Variants in POFUT3 observed in about 807,000 individuals in gnomAD.
POFUT3 encodes GDP-fucose protein O-fucosyltransferase 3.
At chr8:33,402,278 AACCG>A in the POFUT3 span, among the ~76,000 whole-genome samples, 9 of 152,354 alleles carry the variant, frequency 5.9e-5, no homozygotes, top group African/African-American at 2.2e-4. Context: ...TCAAGATACC[AACCG>A]AATGCTTTTT....
At chr8:33,353,521 T>C in the POFUT3 span, among the ~76,000 whole-genome samples, 2 of 152,308 alleles carry the variant, frequency 1.3e-5, no homozygotes, top group East Asian at 3.9e-4. Flanking sequence ...TTCTTTCTCG[T>C]CTGCACAAGA....
chr8:33,452,572 A>G, the POFUT3 span: 1 of 152,302 alleles, frequency 6.6e-6, no homozygotes, highest in Non-Finnish European at 1.5e-5. Flanking sequence ...GTCAACGTTT[A>G]AAACATTTAA....
the POFUT3 span, among the ~76,000 whole-genome samples, chr8:33,356,168 G>C: frequency 1.3e-5 from 2 of 152,142 alleles, no homozygotes; most frequent in Admixed American, 6.5e-5. Context: ...ATGATCTATA[G>C]TCATTTGGGT....
chr8:33,316,596 G>T, the POFUT3 span, among the ~76,000 whole-genome samples: 50,627 of 150,388 alleles, frequency 0.34, 9,162 homozygotes, highest in East Asian at 0.66. Context: ...AAGAAAGAAA[G>T]CTGGGCATTG....
the POFUT3 span, among the ~76,000 whole-genome samples, chr8:33,343,112 G>GAAAA: frequency 2.6e-5 from 3 of 115,138 alleles, no homozygotes; most frequent in East Asian, 2.3e-4. Flanking sequence ...CTCCGTCTAA[G>GAAAA]AAAAAAAAAA....
chr8:33,317,935 T>G, the POFUT3 span, among the ~76,000 whole-genome samples: 3 of 152,270 alleles, frequency 2.0e-5, no homozygotes, highest in Admixed American at 2.0e-4. Flanking sequence ...TATTCACTGC[T>G]CTGTTCTCTG....
chr8:33,395,321 C>T, the POFUT3 span, among the ~76,000 whole-genome samples: 2 of 152,028 alleles, frequency 1.3e-5, no homozygotes, highest in African/African-American at 4.8e-5. Context: ...AGGAGCAGAG[C>T]GGTGTGGCAG....
At chr8:33,341,017 A>G in the POFUT3 span, among the ~76,000 whole-genome samples, 1 of 152,190 alleles carries the variant, frequency 6.6e-6, no homozygotes, top group African/African-American at 2.4e-5. Context: ...GAAAATATAT[A>G]CCAAGATAGG....
At chr8:33,464,748 T>A in the POFUT3 span, among the ~76,000 whole-genome samples, 1 of 152,126 alleles carries the variant, frequency 6.6e-6, no homozygotes, top group Non-Finnish European at 1.5e-5. Context: ...CCACTGCACT[T>A]AGCTTGGGTG....
chr8:33,403,699 G>A, the POFUT3 span, among the ~76,000 whole-genome samples: 31 of 152,256 alleles, frequency 2.0e-4, no homozygotes, highest in South Asian at 3.5e-3. Flanking sequence ...CCCAGCCTGC[G>A]TGGGAGAGTG....
chr8:33,333,100 G>T, the POFUT3 span, among the ~76,000 whole-genome samples: 1 of 152,148 alleles, frequency 6.6e-6, no homozygotes, highest in African/African-American at 2.4e-5. Flanking sequence ...AGGCAGACGC[G>T]GTACAAGCCC....
chr8:33,317,530 C>T, the POFUT3 span, among the ~76,000 whole-genome samples: 9 of 152,120 alleles, frequency 5.9e-5, no homozygotes, highest in Non-Finnish European at 8.8e-5. Context: ...GCCAAACCAA[C>T]GTATAACCTC....
At chr8:33,450,354 C>T in the POFUT3 span, among the ~76,000 whole-genome samples, 1 of 152,228 alleles carries the variant, frequency 6.6e-6, no homozygotes. Context: ...CCCTGCATTA[C>T]AGTTGGGTCA....
chr8:33,431,649 C>T, the POFUT3 span, among the ~76,000 whole-genome samples: 1 of 129,986 alleles, frequency 7.7e-6, no homozygotes, highest in Non-Finnish European at 1.6e-5. Flanking sequence ...TGATTACAAA[C>T]AGTTTTCCAA....
the POFUT3 span, among the ~76,000 whole-genome samples, chr8:33,379,771 G>A: frequency 6.8e-6 from 1 of 146,386 alleles, no homozygotes; most frequent in East Asian, 2.0e-4. Context: ...AAAAGGCAGA[G>A]GTTGCAGTGG....
At chr8:33,367,383 C>G in the POFUT3 span, among the ~76,000 whole-genome samples, 1 of 152,202 alleles carries the variant, frequency 6.6e-6, no homozygotes. Flanking sequence ...TTAATTCGGC[C>G]CATCCCTTCG....
chr8:33,332,710 T>C, the POFUT3 span, among the ~76,000 whole-genome samples: 1 of 152,184 alleles, frequency 6.6e-6, no homozygotes, highest in East Asian at 1.9e-4. Context: ...GCTTCTCTTC[T>C]GCATCAACAA....
the POFUT3 span, among the ~76,000 whole-genome samples, chr8:33,386,672 T>C: frequency 6.6e-6 from 1 of 151,910 alleles, no homozygotes; most frequent in Non-Finnish European, 1.5e-5. Flanking sequence ...TAGCCAGGCG[T>C]GGTGGCGGGT....
At chr8:33,396,562 C>A in the POFUT3 span, among the ~76,000 whole-genome samples, 1 of 152,278 alleles carries the variant, frequency 6.6e-6, no homozygotes, top group Admixed American at 6.5e-5. Context: ...TTTCCCTTCT[C>A]TTCATCCATC....
Sources: allele counts gnomAD v4.1 joint callset (sites outside exome capture counted in the v4.1 genomes callset), GRCh38; gene constraint gnomAD v4.1.1; transcripts MANE v1.5; gene names NCBI Gene and HGNC (gene_info 2026-07-23, HGNC 2026-07-21).